The following SIL1 variants were observed in gnomAD, a reference collection of about 807,000 sequenced individuals.
SIL1 encodes SIL1 nucleotide exchange factor, also known as nucleotide exchange factor SIL1.
A neutral mutation model predicts 49.1 loss-of-function variants in SIL1; 40 were observed. That is an observed-to-expected ratio of 0.81 (90% CI 0.63 to 1.06). The LOEUF (loss-of-function observed/expected upper bound fraction) is 1.06, where lower values mean the gene tolerates loss of function less well. Ranked by LOEUF, SIL1 falls within the 50% of genes least tolerant of loss-of-function variation. SIL1 has a pLI of 0.00. For synonymous variants in SIL1, 253 were observed against 250.8 expected (o/e 1.01, Z -0.08); for missense variants, 500 against 572.6 (o/e 0.87, Z 1.29).
At chr5:139,056,252 A>G (rs1456665162) in intron 3 of SIL1, among the ~76,000 whole-genome samples, 1 of 141,646 alleles carries the variant, frequency 7.1e-6, no homozygotes, top group African/African-American at 2.7e-5. Flanking sequence ...CCGCCATCCC[A>G]TCTAGGAAGT....
chr5:138,951,014 C>T (rs1431927571), intron 9 of SIL1, among the ~76,000 whole-genome samples, 157 bp downstream of exon 9: 2 of 152,198 alleles, frequency 1.3e-5, no homozygotes, highest in Non-Finnish European at 2.9e-5. Context: ...TACTCCCTGA[C>T]GTCCCCAATC....
intron 7 of SIL1, among the ~76,000 whole-genome samples, chr5:139,010,278 TTCACGTAGTTC>T (rs1293596548): frequency 6.7e-6 from 1 of 150,112 alleles, no homozygotes; most frequent in East Asian, 2.0e-4. Context: ...TTCTGCATTC[TTCACGTAGTTC>T]TCGAGCCTTG....
chr5:138,958,697 G>T (rs1561804983), intron 7 of SIL1, among the ~76,000 whole-genome samples: 1 of 151,188 alleles, frequency 6.6e-6, no homozygotes, highest in Non-Finnish European at 1.5e-5. Flanking sequence ...TGCTCAAGTG[G>T]TAAGTATATA....
Position 138,946,934 on chromosome 5 carries a change from ACCCCCCGG to A in SIL1, c.*175_*182del. 1.6e-6 allele frequency: 1 copy of A among 636,550 alleles called. No homozygotes were observed. Among genetic ancestry groups the A allele is most frequent in the Non-Finnish European group, 2.9e-6 (1 of 350,420 alleles). 39.4% of individuals were successfully genotyped at this position (636,550 alleles called of 1,614,324 possible). A position where few individuals can be genotyped will look rare whatever the true frequency, so the allele number is the denominator to read the frequency against. ...AGCCCATCACCCAACCACTCACCTG[ACCCCCCGG>A]CCACAGGGCTGTGCCCAGTCTACAC... On this transcript the variant is annotated 3_prime_UTR_variant, in exon 10 of 10. Transcript: ENST00000394817.
At chr5:139,115,255 T>C (rs1458622634) in intron 3 of SIL1, among the ~76,000 whole-genome samples, 1 of 152,192 alleles carries the variant, frequency 6.6e-6, no homozygotes, top group Non-Finnish European at 1.5e-5. Context: ...ATAAAAAATA[T>C]GTGTAGTCTT....
At chr5:138,975,655 G>A (rs1338224172) in intron 7 of SIL1, among the ~76,000 whole-genome samples, 1 of 152,208 alleles carries the variant, frequency 6.6e-6, no homozygotes, top group Non-Finnish European at 1.5e-5. Flanking sequence ...AAGAGGAAGT[G>A]ATGATGTCGA....
rs1198014011 is a variant in SIL1 at position 138,947,019 on chromosome 5, C to A, written c.*98G>T. 4.4e-6 allele frequency: 4 copies of A among 908,424 alleles called. No homozygotes were observed. The highest frequency in any genetic ancestry group is 1.6e-5 in the African/African-American group (1 of 60,908). 56.3% of individuals were successfully genotyped at this position (908,424 alleles called of 1,614,324 possible). On this transcript the variant is annotated 3_prime_UTR_variant, in exon 10 of 10. Coordinates refer to ENST00000394817, the MANE Select transcript of SIL1 (RefSeq NM_022464.5). This position sits in a 1 kb window ranked among gnomAD's most constrained non-coding sequence, Gnocchi z 4.1. ...TTCAGGTTTCCATTTAATGGCCAAG[C>A]CAGCACTGCCAAGATGTCCTCCTGC...
intron 5 of SIL1, among the ~76,000 whole-genome samples, chr5:139,041,560 T>C (rs1199984921): frequency 6.6e-6 from 1 of 152,000 alleles, no homozygotes; most frequent in Non-Finnish European, 1.5e-5. Flanking sequence ...TCCTAGCACT[T>C]TGGGAGGCCA....
At chr5:139,040,070 T>C (rs914390487) in intron 5 of SIL1, among the ~76,000 whole-genome samples, 2 of 152,156 alleles carry the variant, frequency 1.3e-5, no homozygotes, top group African/African-American at 2.4e-5. Flanking sequence ...TCTGACAGTA[T>C]TGTCTATATA....
At chr5:139,127,543 T>A (rs1750778198) in intron 2 of SIL1, among the ~76,000 whole-genome samples, 196 bp downstream of exon 2, 1 of 152,078 alleles carries the variant, frequency 6.6e-6, no homozygotes, top group South Asian at 2.1e-4. Context: ...AACTGTGTCA[T>A]AAGCTTTAAA....
chr5:139,158,939 C>CT (rs1236747386), intron 1 of SIL1, among the ~76,000 whole-genome samples: 3 of 152,120 alleles, frequency 2.0e-5, no homozygotes, highest in African/African-American at 7.2e-5. Context: ...ATGGGAACTG[C>CT]AGGGAGACTC....
chr5:138,988,401 T>C (rs1767686651), intron 7 of SIL1, among the ~76,000 whole-genome samples: 1 of 152,298 alleles, frequency 6.6e-6, no homozygotes, highest in East Asian at 1.9e-4. Context: ...AAACTTAACA[T>C]CAAAGATGTT....
chr5:139,195,458 G>C (rs569691411), intron 1 of SIL1, among the ~76,000 whole-genome samples: 2 of 151,964 alleles, frequency 1.3e-5, no homozygotes, highest in African/African-American at 4.8e-5. Context: ...CGTGATCTCC[G>C]CTCACTGCAA....
chr5:139,136,016 G>A (rs764014534), intron 1 of SIL1, among the ~76,000 whole-genome samples: 5 of 152,154 alleles, frequency 3.3e-5, no homozygotes, highest in Non-Finnish European at 5.9e-5. Flanking sequence ...GCAGTGAGCC[G>A]AGATCATGCC....
At chr5:138,988,182 C>T (rs10052884) in intron 7 of SIL1, among the ~76,000 whole-genome samples, 3,264 of 152,258 alleles carry the variant, frequency 0.021, 125 homozygotes, top group African/African-American at 0.076. Context: ...AGCATTTGGG[C>T]CTCTCCAGAG....
intron 1 of SIL1, among the ~76,000 whole-genome samples, chr5:139,176,255 T>C (rs551108810): frequency 2.6e-5 from 4 of 152,156 alleles, no homozygotes; most frequent in Non-Finnish European, 5.9e-5. Flanking sequence ...GCCTTTACCA[T>C]CCAGATTTCT....
chr5:139,178,326 T>C (rs865989671), intron 1 of SIL1, among the ~76,000 whole-genome samples: 20 of 152,122 alleles, frequency 1.3e-4, no homozygotes, highest in African/African-American at 4.1e-4. Context: ...CTCAACAAAA[T>C]CCATCCAGTG....
intron 3 of SIL1, among the ~76,000 whole-genome samples, chr5:139,108,983 G>A (rs1013780942): frequency 1.3e-5 from 2 of 152,196 alleles, no homozygotes. Flanking sequence ...AGCAGTGTCA[G>A]ATGAAGCCAG....
rs1751768961 is a variant in SIL1 at position 139,171,502 on chromosome 5, G to GCGTGCT, written c.-11+26761_-11+26766dup. 2.6e-5 allele frequency among the ~76,000 whole-genome samples: 4 copies of GCGTGCT among 152,108 alleles called. No homozygotes were observed. In the South Asian group the frequency reaches 8.4e-4, roughly 32 times the overall value. ...TTTGTTAAACAGATGCTTGAAGGCA[G>GCGTGCT]CGTGCTCGTTAAGAATCATCACCAC... On this transcript the variant is annotated intron_variant, in intron 1 of 9. Transcript: ENST00000394817.
Sources: gnomAD v4.1 joint callset for allele counts (sites outside exome capture counted in the v4.1 genomes callset) on GRCh38, gnomAD v4.1.1 for gene constraint, Gnocchi (gnomAD v3.1) non-coding constraint, MANE v1.5 for transcripts, NCBI Gene and HGNC (gene_info 2026-07-23, HGNC 2026-07-21) for gene names.